NRAP: variants seen among roughly 807,000 people sequenced by gnomAD.
The protein encoded by NRAP is nebulin-related-anchoring protein.
A neutral mutation model predicts 225.9 loss-of-function variants in NRAP; 189 were observed. The observed-to-expected ratio is 0.84, with a 90% CI of 0.74 to 0.94. The LOEUF (loss-of-function observed/expected upper bound fraction) is 0.94. Ranked by LOEUF, NRAP falls within the 40% of genes least tolerant of loss-of-function variation. The pLI, the probability that NRAP is intolerant of heterozygous loss-of-function variation, is 0.00. For synonymous variants in NRAP, 769 were observed against 790.7 expected (o/e 0.97, Z 0.46); for missense variants, 2,176 against 2,168.7 (o/e 1.00, Z -0.07).
At chr10:113,662,038 C>T (rs1850711014) in intron 3 of NRAP, among the ~76,000 whole-genome samples, 1 of 152,148 alleles carries the variant, frequency 6.6e-6, no homozygotes, top group Non-Finnish European at 1.5e-5. Flanking sequence ...CTGGTCAAGA[C>T]ACAAAGATTA....
chr10:113,608,863 T>TA (rs912028427), intron 31 of NRAP, among the ~76,000 whole-genome samples: 46 of 152,218 alleles, frequency 3.0e-4, no homozygotes, highest in African/African-American at 1.1e-3. Flanking sequence ...ACTGCAGCTT[T>TA]AAAAAAACAG....
chr10:113,599,530 C>A (rs1050228888), intron 35 of NRAP, among the ~76,000 whole-genome samples: 3 of 152,146 alleles, frequency 2.0e-5, no homozygotes, highest in African/African-American at 7.2e-5. Flanking sequence ...AGCGCTCTTT[C>A]AACTTGCCTT....
At chr10:113,603,890 A>G (rs2419845) in intron 35 of NRAP, among the ~76,000 whole-genome samples, 77,484 of 151,960 alleles carry the variant, frequency 0.51, 20,371 homozygotes, top group East Asian at 0.71. Flanking sequence ...GTGTACGTGC[A>G]CGCACACACA....
At chr10:113,589,932 G>T in intron 40 of NRAP, 135 bp from the exon 41 acceptor site, 1 of 999,656 alleles carries the variant, frequency 1.0e-6, no homozygotes, top group Non-Finnish European at 1.5e-6. Context: ...AGAACAAGGG[G>T]AACAAATTTA....
Position 113,625,261 on chromosome 10 carries a change from C to A in NRAP, c.2245-331G>T, listed in dbSNP as rs181762585. On this transcript the variant is annotated intron_variant, in intron 21 of 41. Coordinates refer to ENST00000359988, the MANE Select transcript of NRAP (RefSeq NM_198060.4). ...ACTGTCTGTGGCCAAAAAAATACCC[C>A]ACCAGGGGGTTCAGATTAGTACAGA... 2.4e-3 allele frequency among the ~76,000 whole-genome samples: 360 copies of A among 152,302 alleles called. 1 individual carries two copies. Among genetic ancestry groups the A allele is most frequent in the African/African-American group, 8.3e-3 (346 of 41,558 alleles).
At chr10:113,595,859 A>G (rs1193340841) in intron 37 of NRAP, 132 bp from the exon 38 acceptor site, 3 of 553,528 alleles carry the variant, frequency 5.4e-6, no homozygotes, top group Non-Finnish European at 9.6e-6. Flanking sequence ...AGTCCTGCCC[A>G]TGGACAGTGT....
At chr10:113,660,000 C>G (rs943280485) in intron 3 of NRAP, among the ~76,000 whole-genome samples, 1 of 148,392 alleles carries the variant, frequency 6.7e-6, no homozygotes, top group African/African-American at 2.5e-5. Context: ...TATGGTTGTC[C>G]GTTTTACTTT....
intron 29 of NRAP, among the ~76,000 whole-genome samples, chr10:113,613,618 A>G (rs938895103): frequency 6.6e-6 from 1 of 152,168 alleles, no homozygotes; most frequent in Non-Finnish European, 1.5e-5. Flanking sequence ...GTCACAACCA[A>G]CAATGACAGG....
intron 12 of NRAP, among the ~76,000 whole-genome samples, 181 bp downstream of exon 12, chr10:113,642,753 A>G (rs1849279757): frequency 6.6e-6 from 1 of 152,204 alleles, no homozygotes; most frequent in Non-Finnish European, 1.5e-5. Flanking sequence ...ATGTGACAGA[A>G]TTGAACACTA....
chr10:113,663,380 T>G lies in NRAP; in HGVS notation c.139A>C (p.Ser47Arg). Residue 47 changes from serine to arginine, a missense_variant, in exon 2 of 42, where the codon AGT becomes CGT. Coordinates refer to ENST00000359988, the MANE Select transcript of NRAP (RefSeq NM_198060.4). ...TGACAGTACGGCTTTTTCTGGTGAC[T>G]CACAAAGTTATTAACAGACAGCATC... is the stretch of plus-strand genomic sequence containing the variant. Reference protein sequence around the residue: ...KMMLSVNNFVSHQKKPYCHAH... With the variant: ...KMMLSVNNFVRHQKKPYCHAH... 1 of 1,612,622 alleles carries G rather than the reference T, an allele frequency of 6.2e-7. No homozygotes were observed.
chr10:113,624,696 T>A lies in NRAP; in HGVS notation c.2349+130A>T. On this transcript the variant is annotated intron_variant, in intron 22 of 41. Coordinates refer to ENST00000359988, the MANE Select transcript of NRAP (RefSeq NM_198060.4). ...GAGCCAGATCTGCTGGGTGAGCTGT[T>A]TTTACAACAACCAGATGTATGTAAC... 3 of 680,570 alleles carry A rather than the reference T, an allele frequency of 4.4e-6. No homozygotes were observed. The South Asian group carries it at 5.4e-5, about 12-fold the overall frequency. 42.2% of individuals were successfully genotyped at this position (680,570 alleles called of 1,614,324 possible).
chr10:113,620,114 G>A (rs920139493), intron 25 of NRAP, among the ~76,000 whole-genome samples: 1 of 152,166 alleles, frequency 6.6e-6, no homozygotes, highest in African/African-American at 2.4e-5. Context: ...GTAGGGTCCA[G>A]CCAAGGTGGC....
At chr10:113,592,425 C>A in intron 38 of NRAP, 124 bp from the exon 39 acceptor site, 1 of 545,940 alleles carries the variant, frequency 1.8e-6, no homozygotes, top group South Asian at 3.0e-5. Context: ...GCCTATAGCT[C>A]CATGTCCACC....
In NRAP at chr10:113,657,574, T is replaced by C; in HGVS notation, c.256A>G (p.Ile86Val). The C allele has an allele frequency of 1.4e-5, 21 of 1,496,020 alleles. No homozygotes were observed. Among genetic ancestry groups the C allele is most frequent in the Non-Finnish European group, 2.0e-5 (21 of 1,072,430 alleles). The allele number at this position is 1,496,020 out of a possible 1,614,324, so 92.7% of individuals were successfully genotyped here. Residue 86 changes from isoleucine (I) to valine (V), a missense_variant and splice_region_variant, in exon 4 of 42, where the codon ATC (isoleucine) becomes GTC (valine). This residue lies in a region of NRAP where 1,708 missense variants were observed against 1,695.5 expected (regional missense o/e 1.01). Coordinates refer to ENST00000359988, the MANE Select transcript of NRAP (RefSeq NM_198060.4). ...TGTTCACCATCTTCTTGGTCATGGA[T>C]CTGCTCAAGGAAGATGTTGTCAGTA... ...VRTFPEAISG[I>V]HDQEDGEQCK...
intron 40 of NRAP, 129 bp downstream of exon 40, chr10:113,590,449 G>GTT (rs1845899165): frequency 8.7e-6 from 7 of 801,720 alleles, no homozygotes; most frequent in Non-Finnish European, 1.4e-5. Context: ...GCACTAAAGT[G>GTT]TTAGGTGTCT....
chr10:113,620,561 C>T lies in NRAP; in HGVS notation c.2874+43G>A, dbSNP rs371636782. 270 of 1,224,050 alleles carry T rather than the reference C, an allele frequency of 2.2e-4. 6 individuals are homozygous for T. In the South Asian group the frequency reaches 3.1e-3, roughly 14 times the overall value. The allele number at this position is 1,224,050 out of a possible 1,614,324, so 75.8% of individuals were successfully genotyped here. On this transcript the variant is annotated intron_variant, in intron 25 of 41. Coordinates refer to ENST00000359988, the MANE Select transcript of NRAP (RefSeq NM_198060.4). ...TAATTTTATACAGAGACGCCGCACG[C>T]CTAATGCAGCCAGGCCTGTTACAGG...
intron 6 of NRAP, among the ~76,000 whole-genome samples, 178 bp from the exon 7 acceptor site, chr10:113,652,085 G>A (rs760584903): frequency 2.0e-5 from 3 of 152,198 alleles, no homozygotes; most frequent in Non-Finnish European, 4.4e-5. Flanking sequence ...AATGTGCTAA[G>A]TCCAGGAGTG....
In NRAP at chr10:113,651,823, C is replaced by T; in HGVS notation, c.655G>A (p.Gly219Arg). The change falls in exon 7 of 42, where the codon GGG becomes AGG. Residue 219 changes from glycine (G) to arginine (R), a missense_variant. Physicochemically the swap from Gly to Arg is moderately radical, Grantham distance 125. Coordinates refer to ENST00000359988, the MANE Select transcript of NRAP (RefSeq NM_198060.4). The part of the protein sequence containing the change: ...DTPELLRSKA[G>R]AQLQSDVRYT... ...CTTACATCACTTTGAAGCTGTGCCC[C>T]AGCCTTGCTCCGTAGCAGCTCAGGA... 1 of 1,611,912 alleles carries T rather than the reference C, an allele frequency of 6.2e-7. No homozygotes were observed. Among genetic ancestry groups the T allele is most frequent in the South Asian group, 1.1e-5 (1 of 91,012 alleles).
chr10:113,651,898 T>C lies in NRAP; in HGVS notation c.580A>G (p.Lys194Glu). Reference sequence around the variant, plus strand: ...GAGATGCGTTCATCATGCCCTCTCTTATACTCCACCTGATGAGAAGACAGT... The same window carrying C: ...GAGATGCGTTCATCATGCCCTCTCTCATACTCCACCTGATGAGAAGACAGT... The part of the protein sequence containing the change: ...ANQLASQVEY[K>E]RGHDERISRF... The change falls in exon 7 of 42, where the codon AAG becomes GAG. Residue 194 changes from lysine (K) to glutamate (E), a missense_variant. By Grantham distance (56) the Lys-to-Glu change is moderately conservative (BLOSUM62 1). Coordinates refer to ENST00000359988, the MANE Select transcript of NRAP (RefSeq NM_198060.4). The C allele has an allele frequency of 1.2e-6, 2 of 1,608,656 alleles. No individual in the cohort carries two copies. The highest frequency in any genetic ancestry group is 1.7e-6 in the Non-Finnish European group (2 of 1,175,132).
Sources: gnomAD v4.1 joint callset for allele counts (sites outside exome capture counted in the v4.1 genomes callset) on GRCh38, gnomAD v4.1.1 for gene constraint, gnomAD v4.1.1 regional missense constraint, MANE v1.5 for transcripts, NCBI Gene and HGNC (gene_info 2026-07-23, HGNC 2026-07-21) for gene names.